The following CTXND1 variants were observed in gnomAD, a reference collection of about 807,000 sequenced individuals.
The protein encoded by CTXND1 is cortexin domain-containing 1 protein.
intron 1 of CTXND1, among the ~76,000 whole-genome samples, chr15:80,246,647 T>A (rs1893634116): frequency 6.6e-6 from 1 of 152,244 alleles, no homozygotes; most frequent in African/African-American, 2.4e-5. Context: ...CTTTGGGGAT[T>A]TGGAGTTTGA....
intron 1 of CTXND1, among the ~76,000 whole-genome samples, chr15:80,246,969 G>A (rs565393743): frequency 1.3e-5 from 2 of 152,134 alleles, no homozygotes; most frequent in Non-Finnish European, 2.9e-5. Context: ...TGACAAGCAC[G>A]GTGCTGGTTA....
chr15:80,228,516 C>T (rs1020630547), intron 1 of CTXND1, among the ~76,000 whole-genome samples: 4 of 152,150 alleles, frequency 2.6e-5, no homozygotes, highest in Non-Finnish European at 5.9e-5. Context: ...CAGTTTCCTT[C>T]ATGTTATGCC....
chr15:80,251,031 AGAG>A (rs1451521145), intron 1 of CTXND1, among the ~76,000 whole-genome samples: 3 of 152,198 alleles, frequency 2.0e-5, no homozygotes, highest in Non-Finnish European at 2.9e-5. Context: ...GATTAGAATC[AGAG>A]GAGAACTGAG....
intron 1 of CTXND1, among the ~76,000 whole-genome samples, chr15:80,235,914 A>G (rs1466952882): frequency 6.6e-6 from 1 of 151,088 alleles, no homozygotes; most frequent in Non-Finnish European, 1.5e-5. Flanking sequence ...AGAGGAATTA[A>G]TATACATAAA....
At chr15:80,238,833 A>C (rs1449379391) in intron 1 of CTXND1, among the ~76,000 whole-genome samples, 1 of 152,230 alleles carries the variant, frequency 6.6e-6, no homozygotes. Flanking sequence ...TATTCAGTAC[A>C]ATAACATACC....
Position 80,201,936 on chromosome 15 carries a change from G to A in CTXND1, c.14C>T (p.Thr5Met), listed in dbSNP as rs914843021. 5 of 398,904 alleles carry A rather than the reference G, an allele frequency of 1.3e-5. No individual in the cohort carries two copies. Among genetic ancestry groups the A allele is most frequent in the East Asian group, 3.6e-5 (1 of 28,088 alleles). 24.7% of individuals were successfully genotyped at this position (398,904 alleles called of 1,614,324 possible). A position where few individuals can be genotyped will look rare whatever the true frequency, so the allele number is the denominator to read the frequency against. Reference sequence around the variant, plus strand: ...TACGTCGACATAGACGGGCTCGGGCGTGGGCTCCTCCATCTCGCGGCAGCG... The same window carrying A: ...TACGTCGACATAGACGGGCTCGGGCATGGGCTCCTCCATCTCGCGGCAGCG... MEEP[T>M]PEPVYVDVDK... The change falls in exon 3 of 3, where the codon ACG (threonine) becomes ATG (methionine). Residue 5 changes from threonine (T) to methionine (M), a missense_variant. Thr to Met is a moderately conservative substitution (Grantham distance 81, BLOSUM62 -1). Transcript: ENST00000560778.
intron 1 of CTXND1, among the ~76,000 whole-genome samples, chr15:80,211,133 C>T (rs1893200234): frequency 6.6e-6 from 1 of 152,174 alleles, no homozygotes; most frequent in African/African-American, 2.4e-5. Context: ...TGGAGCCAGG[C>T]CAGGCCCACA....
chr15:80,228,908 G>A lies in CTXND1; in HGVS notation c.-218+23099C>T, dbSNP rs185811053. Among the ~76,000 whole-genome samples the A allele has an allele frequency of 6.2e-5, 9 of 146,102 alleles. No individual in the cohort carries two copies. The East Asian group carries it at 1.3e-3, about 20-fold the overall frequency. On this transcript the variant is annotated intron_variant, in intron 1 of 2. Coordinates refer to ENST00000560778, the MANE Select transcript of CTXND1 (RefSeq NM_001352888.2). ...CCCCGAAAGTGCTGGGATTACAGGCGTGAGCCACGGTGCCGGGTTCAAAAT... is the reference window on the plus strand; with the variant it reads ...CCCCGAAAGTGCTGGGATTACAGGCATGAGCCACGGTGCCGGGTTCAAAAT...
intron 1 of CTXND1, among the ~76,000 whole-genome samples, chr15:80,236,508 T>G (rs1005038478): frequency 6.6e-6 from 1 of 152,024 alleles, no homozygotes; most frequent in Non-Finnish European, 1.5e-5. Context: ...CTGAGCCAGG[T>G]GCGGTGGCTC....
At chr15:80,251,072 G>C (rs557348608) in intron 1 of CTXND1, among the ~76,000 whole-genome samples, 2 of 152,274 alleles carry the variant, frequency 1.3e-5, no homozygotes, top group East Asian at 3.9e-4. Context: ...TGCACGAGTG[G>C]GTTAGAATGG....
At chr15:80,229,074 A>G (rs1009096586) in intron 1 of CTXND1, among the ~76,000 whole-genome samples, 1 of 152,182 alleles carries the variant, frequency 6.6e-6, no homozygotes, top group African/African-American at 2.4e-5. Flanking sequence ...CAAGCACTTC[A>G]GGTAAAGGAC....
intron 1 of CTXND1, among the ~76,000 whole-genome samples, chr15:80,231,193 C>T (rs79957032): frequency 0.015 from 2,288 of 151,828 alleles, 112 homozygotes; most frequent in East Asian, 0.11. Context: ...TCTGTGCCTA[C>T]TTCTCTCCAG....
At chr15:80,211,757 T>A (rs1896428) in intron 1 of CTXND1, among the ~76,000 whole-genome samples, 2 of 152,094 alleles carry the variant, frequency 1.3e-5, no homozygotes, top group Admixed American at 6.5e-5. Context: ...GTATTTCTGC[T>A]GAGAGAATGC....
chr15:80,250,011 T>C (rs1465722948), intron 1 of CTXND1, among the ~76,000 whole-genome samples: 1 of 152,236 alleles, frequency 6.6e-6, no homozygotes, highest in Non-Finnish European at 1.5e-5. Context: ...ATAAACACTG[T>C]TCTTTCTATT....
chr15:80,204,645 T>C (rs1309264431), intron 1 of CTXND1, among the ~76,000 whole-genome samples: 2 of 33,560 alleles, frequency 6.0e-5, no homozygotes, highest in Non-Finnish European at 9.2e-5. Context: ...TAATATTCCA[T>C]TGTATATATA....
intron 1 of CTXND1, among the ~76,000 whole-genome samples, chr15:80,210,416 C>T (rs1893192769): frequency 6.6e-6 from 1 of 152,242 alleles, no homozygotes; most frequent in Non-Finnish European, 1.5e-5. Context: ...CTGTTTCTCT[C>T]TTTTGTGGCT....
chr15:80,229,409 T>C (rs1374926335), intron 1 of CTXND1, among the ~76,000 whole-genome samples: 1 of 152,218 alleles, frequency 6.6e-6, no homozygotes. Flanking sequence ...ATGGACTCCC[T>C]TGGAGCAGGG....
At chr15:80,226,434 C>T (rs555069699) in intron 1 of CTXND1, among the ~76,000 whole-genome samples, 40 of 152,270 alleles carry the variant, frequency 2.6e-4, no homozygotes, top group African/African-American at 8.9e-4. Context: ...TCTGCTGTAA[C>T]GGCCCCAAGT....
chr15:80,242,970 G>T (rs1288683745), intron 1 of CTXND1, among the ~76,000 whole-genome samples: 1 of 152,212 alleles, frequency 6.6e-6, no homozygotes, highest in Non-Finnish European at 1.5e-5. Context: ...TCCAAACTTT[G>T]TTGCACAGGC....
Sources: gnomAD v4.1 joint callset for allele counts (sites outside exome capture counted in the v4.1 genomes callset) on GRCh38, gnomAD v4.1.1 for gene constraint, MANE v1.5 for transcripts, NCBI Gene and HGNC (gene_info 2026-07-23, HGNC 2026-07-21) for gene names.